The following RYR2 variants were observed in gnomAD, a reference collection of about 807,000 sequenced individuals.
RYR2 encodes the protein cardiac muscle ryanodine receptor-calcium release channel.
RYR2 carries 227 observed loss-of-function variants against 601.1 expected under a neutral mutation model. That is an observed-to-expected ratio of 0.38 (90% CI 0.34 to 0.42). The LOEUF is 0.42. RYR2 is among the 10% of genes least tolerant of loss of function. The pLI, the probability that RYR2 is intolerant of heterozygous loss-of-function variation, is 1.00. For missense variants in RYR2, 4,646 were observed against 6,156.5 expected (o/e 0.75, Z 8.21); for synonymous variants, 2,223 against 2,175.1 (o/e 1.02, Z -0.61).
rs560897756 is a variant in RYR2, at chr1:237,221,536, C to G, written c.49-48961C>G. On this transcript the variant is annotated intron_variant, in intron 1 of 104. Coordinates refer to ENST00000366574, the MANE Select transcript of RYR2 (RefSeq NM_001035.3). ...TTTTAAAAAGAGAGGGATATGAAAA[C>G]ACGGGGAAATTTCAGGACATCTCAA... 3.3e-5 allele frequency among the ~76,000 whole-genome samples: 5 copies of G among 152,282 alleles called. No homozygotes were observed. In the East Asian group the frequency reaches 9.7e-4, roughly 29 times the overall value.
intron 1 of RYR2, among the ~76,000 whole-genome samples, chr1:237,077,664 C>T (rs1665141660): frequency 1.4e-5 from 2 of 145,560 alleles, no homozygotes; most frequent in South Asian, 2.3e-4. Flanking sequence ...TAGACTCCCA[C>T]ACATTAATAA....
chr1:237,400,531 A>G (rs1703259832), intron 10 of RYR2, among the ~76,000 whole-genome samples: 1 of 152,250 alleles, frequency 6.6e-6, no homozygotes, highest in South Asian at 2.1e-4. Context: ...TCTGATATTA[A>G]GGTACTGCTT....
rs1479546595 is a variant in RYR2 at position 237,469,160 on chromosome 1, A to C, written c.1681A>C (p.Arg561=). ...TGGCTCCCTCGACTGGTTGATCAGC[A>C]GATTGGAAAGACTGGAAGCTTCTTC... ...FSGSLDWLIS[R]LERLEASSGI... is the part of the protein sequence containing the mutation. Residue 561 remains arginine (R), a synonymous_variant, in exon 17 of 105, where the codon AGA becomes CGA. Transcript: ENST00000366574. The C allele has an allele frequency of 6.2e-7, 1 of 1,607,244 alleles. No homozygotes were observed. The highest frequency in any genetic ancestry group is 8.5e-7 in the Non-Finnish European group (1 of 1,176,192).
Position 237,208,980 on chromosome 1 carries a change from A to ATATATAT in RYR2, c.49-61512_49-61511insATTATAT, listed in dbSNP as rs1553342547. Among the ~76,000 whole-genome samples the ATATATAT allele has an allele frequency of 6.9e-4, 81 of 116,624 alleles. 3 individuals carry two copies. The highest frequency in any genetic ancestry group is 5.1e-3 in the South Asian group (17 of 3,342). The allele number at this position is 116,624 out of a possible 152,430, so 76.5% of individuals were successfully genotyped here. On this transcript the variant is annotated intron_variant, in intron 1 of 104. Coordinates refer to ENST00000366574, the MANE Select transcript of RYR2 (RefSeq NM_001035.3). ...TATATATATATATATATATATATAT[A>ATATATAT]TATATGTATACTGTAATTGAACTAT... is the stretch of plus-strand genomic sequence containing the variant.
intron 1 of RYR2, among the ~76,000 whole-genome samples, chr1:237,229,503 C>T (rs529925066): frequency 2.0e-5 from 3 of 152,278 alleles, no homozygotes; most frequent in African/African-American, 7.2e-5. Flanking sequence ...AGGCTGTAAA[C>T]ATCCCAGAGT....
intron 61 of RYR2, among the ~76,000 whole-genome samples, chr1:237,678,806 G>T (rs981505374): frequency 6.6e-6 from 1 of 152,188 alleles, no homozygotes; most frequent in African/African-American, 2.4e-5. Context: ...ATATACAAAT[G>T]CCCCTGGGTA....
chr1:237,743,564 T>C, intron 80 of RYR2: 1 of 518,764 alleles, frequency 1.9e-6, no homozygotes, highest in Non-Finnish European at 3.9e-6. Flanking sequence ...CAATTGTTTA[T>C]TGCTATTTTG....
intron 24 of RYR2, among the ~76,000 whole-genome samples, chr1:237,528,224 A>G (rs77619056): frequency 0.025 from 3,817 of 152,302 alleles, 158 homozygotes; most frequent in African/African-American, 0.087. Flanking sequence ...GCTAAGATCT[A>G]TAAAAACAAC....
rs758500988 is a variant in RYR2, at chr1:237,832,612, T to A, written c.14869T>A (p.Cys4957Ser). Reference protein sequence around the residue: ...RCWEFFPAGDCFRKQYEDQLN With the variant: ...RCWEFFPAGDSFRKQYEDQLN ...TTGGGAATTTTTCCCAGCAGGGGATTGCTTCCGGAAACAGTATGAAGACCA... is the reference window on the plus strand; with the variant it reads ...TTGGGAATTTTTCCCAGCAGGGGATAGCTTCCGGAAACAGTATGAAGACCA... Residue 4957 changes from cysteine to serine, a missense_variant, in exon 105 of 105, where the codon TGC becomes AGC. Cys to Ser is a moderately radical substitution (Grantham distance 112). Coordinates refer to ENST00000366574, the MANE Select transcript of RYR2 (RefSeq NM_001035.3). 1.2e-6 allele frequency: 2 copies of A among 1,612,598 alleles called. No individual in the cohort carries two copies. The highest frequency in any genetic ancestry group is 1.7e-6 in the Non-Finnish European group (2 of 1,178,896).
chr1:237,677,756 C>G (rs1685528675), intron 60 of RYR2, among the ~76,000 whole-genome samples: 1 of 152,128 alleles, frequency 6.6e-6, no homozygotes, highest in South Asian at 2.1e-4. Context: ...CTATTCTATT[C>G]CATTTTCCCC....
chr1:237,138,100 C>T (rs963807718), intron 1 of RYR2, among the ~76,000 whole-genome samples: 38 of 152,228 alleles, frequency 2.5e-4, no homozygotes, highest in African/African-American at 8.4e-4. Flanking sequence ...GGCACAATCT[C>T]GGCTTACTGT....
chr1:237,416,396 T>TA (rs1230784827), intron 10 of RYR2, among the ~76,000 whole-genome samples: 1 of 152,224 alleles, frequency 6.6e-6, no homozygotes, highest in Non-Finnish European at 1.5e-5. Context: ...TTTGGATACT[T>TA]ACAGCAATTA....
chr1:237,797,697 A>T (rs188843425), intron 96 of RYR2, among the ~76,000 whole-genome samples: 1 of 152,384 alleles, frequency 6.6e-6, no homozygotes, highest in East Asian at 1.9e-4. Context: ...GGAATGAAGC[A>T]TAATTTCTGG....
Position 237,770,826 on chromosome 1 carries a change from C to T in RYR2, c.11496C>T (p.Asp3832=), listed in dbSNP as rs397516505. The T allele has an allele frequency of 7.7e-5, 119 of 1,553,524 alleles. 1 individual carries two copies. In the African/African-American group the frequency reaches 1.0e-3, roughly 13 times the overall value. The change falls in exon 85 of 105, where the codon GAC becomes GAT. Residue 3832 remains aspartate (D), a synonymous_variant. Coordinates refer to ENST00000366574, the MANE Select transcript of RYR2 (RefSeq NM_001035.3). ...EEGSGEKVLQ[D]DEFTCDLFRF... ...CCACAGGAGAAAAGGTTCTGCAGGA[C>T]GATGAGTTCACCTGTGACCTCTTCC... is the stretch of plus-strand genomic sequence containing the variant.
At chr1:237,695,871 A>AG (rs1329572905) in intron 63 of RYR2, among the ~76,000 whole-genome samples, 1 of 152,180 alleles carries the variant, frequency 6.6e-6, no homozygotes, top group East Asian at 1.9e-4. Context: ...TGTGTCTAAA[A>AG]GGGGTCTACC....
chr1:237,674,929 C>A, intron 60 of RYR2, 83 bp downstream of exon 60: 1 of 711,036 alleles, frequency 1.4e-6, no homozygotes, highest in Non-Finnish European at 2.4e-6. Flanking sequence ...ACAACACAGG[C>A]TGCTGAGCTA....
intron 62 of RYR2, among the ~76,000 whole-genome samples, chr1:237,682,248 G>A (rs961672524): frequency 6.6e-6 from 1 of 152,104 alleles, no homozygotes; most frequent in South Asian, 2.1e-4. Flanking sequence ...AAGAAAATTG[G>A]CCCATTTACC....
Position 237,465,648 on chromosome 1 carries a change from A to ACGGC in RYR2, c.1613-3444_1613-3443insCGGC, listed in dbSNP as rs1558865822. 7.1e-3 allele frequency among the ~76,000 whole-genome samples: 1,086 copies of ACGGC among 152,128 alleles called. 25 individuals are homozygous for ACGGC. In the East Asian group the frequency reaches 0.076, roughly 11 times the overall value. On this transcript the variant is annotated intron_variant, in intron 16 of 104. Coordinates refer to ENST00000366574, the MANE Select transcript of RYR2 (RefSeq NM_001035.3). ...TATGCTATACGGGATGGCCTACTGC[A>ACGGC]TGGCTATGCTATACGGGATGGCCTA...
intron 94 of RYR2, 53 bp downstream of exon 94, chr1:237,792,376 T>TGCGCGC: frequency 5.2e-6 from 4 of 771,588 alleles, no homozygotes; most frequent in Middle Eastern, 3.7e-4. Context: ...TGTGTGTGTG[T>TGCGCGC]GTGTGCGTGT....
Sources: gnomAD v4.1 joint callset for allele counts (sites outside exome capture counted in the v4.1 genomes callset) on GRCh38, gnomAD v4.1.1 for gene constraint, MANE v1.5 for transcripts, NCBI Gene and HGNC (gene_info 2026-07-23, HGNC 2026-07-21) for gene names.